MTHFD2L: variants seen among roughly 807,000 people sequenced by gnomAD.
MTHFD2L encodes the protein bifunctional methylenetetrahydrofolate dehydrogenase/cyclohydrolase 2, mitochondrial.
In MTHFD2L, 29 loss-of-function variants were observed where a neutral mutation model predicts 34.9. That is an observed-to-expected ratio of 0.83 (90% confidence interval 0.62 to 1.13). MTHFD2L has a LOEUF of 1.13. Among genes scored for constraint, MTHFD2L ranks in the 50% most tolerant of loss-of-function variants. MTHFD2L has a pLI of 0.00. For synonymous variants in MTHFD2L, 167 were observed against 155.7 expected (o/e 1.07, Z -0.54); for missense variants, 481 against 446.5 (o/e 1.08, Z -0.70).
chr4:74,177,684 G>A (rs1194199233), intron 3 of MTHFD2L, among the ~76,000 whole-genome samples: 1 of 151,856 alleles, frequency 6.6e-6, no homozygotes. Flanking sequence ...TTAGAAAACA[G>A]CATGACAGTT....
intron 6 of MTHFD2L, among the ~76,000 whole-genome samples, chr4:74,249,912 C>T (rs916888852): frequency 1.3e-5 from 2 of 152,144 alleles, no homozygotes; most frequent in African/African-American, 4.8e-5. Context: ...CTGCCCTTAA[C>T]ATTTTTCCTT....
intron 6 of MTHFD2L, among the ~76,000 whole-genome samples, chr4:74,254,146 A>G (rs890814884): frequency 6.6e-6 from 1 of 152,154 alleles, no homozygotes; most frequent in African/African-American, 2.4e-5. Context: ...ATATTAACAG[A>G]CAACTTCTAA....
intron 1 of MTHFD2L, among the ~76,000 whole-genome samples, chr4:74,171,870 A>G (rs1728077994): frequency 6.6e-6 from 1 of 152,206 alleles, no homozygotes; most frequent in African/African-American, 2.4e-5. Context: ...AATGTTTGTA[A>G]CAGCTGTATT....
In MTHFD2L at chr4:74,158,181, CT is replaced by C; in HGVS notation, c.45del (p.Gly16AlafsTer14). The stretch of plus-strand genomic sequence containing the variant: ...CGGCTTCTCGCTGCTCCGCGGCCGC[CT>C]TGGCCGAGCGCCGGCGTTGGGCAGA... ...VRGFSLLRGRLGRAPALGRST... is the reference protein window; with the variant it reads ...VRGFSLLRGRXGRAPALGRST... On this transcript the variant is annotated frameshift_variant, in exon 1 of 8. Coordinates refer to ENST00000325278, the MANE Select transcript of MTHFD2L (RefSeq NM_001144978.3). LOFTEE classifies it high-confidence loss of function. The C allele has an allele frequency of 1.3e-6, 2 of 1,526,870 alleles. No homozygotes were observed. Among genetic ancestry groups the C allele is most frequent in the Non-Finnish European group, 1.8e-6 (2 of 1,138,018 alleles). 94.6% of individuals were successfully genotyped at this position (1,526,870 alleles called of 1,614,324 possible). A position where few individuals can be genotyped will look rare whatever the true frequency, so the allele number is the denominator to read the frequency against.
At chr4:74,160,107 C>T (rs1239654334) in intron 1 of MTHFD2L, 2 of 1,287,902 alleles carry the variant, frequency 1.6e-6, no homozygotes, top group East Asian at 5.6e-5. Context: ...TGTCTGCCTC[C>T]CCACTTGTCC....
At chr4:74,258,485 A>G (rs974998372) in intron 6 of MTHFD2L, among the ~76,000 whole-genome samples, 3 of 152,084 alleles carry the variant, frequency 2.0e-5, no homozygotes, top group Non-Finnish European at 4.4e-5. Flanking sequence ...TTTTTAACCA[A>G]ATGAAGATTG....
At chr4:74,148,908 T>C (rs922054200) in intron 1 of MTHFD2L, among the ~76,000 whole-genome samples, 9 of 151,858 alleles carry the variant, frequency 5.9e-5, no homozygotes, top group African/African-American at 1.9e-4. Flanking sequence ...AAAGGCTATA[T>C]TTCTTAGGCC....
rs554364620 is a variant in MTHFD2L at position 74,239,831 on chromosome 4, ATG to A, written c.805+14441_805+14442del. ...GTAATGTTTTTGTTGAGTTTCTATT[ATG>A]TGTTTCATAATTCCTGCTTAATATT... On this transcript the variant is annotated intron_variant, in intron 6 of 7. Coordinates refer to ENST00000325278, the MANE Select transcript of MTHFD2L (RefSeq NM_001144978.3). 9.2e-5 allele frequency among the ~76,000 whole-genome samples: 14 copies of A among 152,320 alleles called. No homozygotes were observed. The South Asian group carries it at 2.5e-3, about 27-fold the overall frequency.
intron 1 of MTHFD2L, among the ~76,000 whole-genome samples, chr4:74,146,196 C>G (rs928648151): frequency 2.6e-5 from 4 of 152,076 alleles, no homozygotes; most frequent in Admixed American, 6.6e-5. Context: ...AAAAGATTGA[C>G]AAATCAAAAT....
At chr4:74,268,361 G>C in intron 6 of MTHFD2L, 1 of 598,040 alleles carries the variant, frequency 1.7e-6, no homozygotes, top group Non-Finnish European at 2.1e-6. Context: ...AGCTGAAGAA[G>C]TGATCCACCT....
At chr4:74,289,285 A>G (rs939414484) in intron 7 of MTHFD2L, among the ~76,000 whole-genome samples, 15 of 152,186 alleles carry the variant, frequency 9.9e-5, no homozygotes, top group African/African-American at 3.6e-4. Flanking sequence ...AACCTGAATA[A>G]ATGAAGAAGG....
intron 1 of MTHFD2L, chr4:74,165,039 T>G: frequency 1.0e-6 from 1 of 982,248 alleles, no homozygotes; most frequent in Non-Finnish European, 1.2e-6. Flanking sequence ...GCAAGGTCAC[T>G]ATGTAATTTT....
chr4:74,168,091 TAG>T (rs1349706703), intron 1 of MTHFD2L, among the ~76,000 whole-genome samples: 3 of 152,194 alleles, frequency 2.0e-5, no homozygotes, highest in African/African-American at 4.8e-5. Context: ...CTTGATCTCA[TAG>T]AGTCTATCCT....
chr4:74,250,491 C>T (rs1743152148), intron 6 of MTHFD2L, among the ~76,000 whole-genome samples: 2 of 152,116 alleles, frequency 1.3e-5, no homozygotes, highest in Non-Finnish European at 2.9e-5. Context: ...CTGCCTTGTT[C>T]ATGGTTTTAT....
chr4:74,180,120 C>G (rs989451648), intron 3 of MTHFD2L, among the ~76,000 whole-genome samples: 2 of 152,162 alleles, frequency 1.3e-5, no homozygotes, highest in African/African-American at 2.4e-5. Context: ...CAAAGACAGG[C>G]TGGGAAATAC....
At position 74,175,330 on chromosome 4, in the gene MTHFD2L, AC is replaced by A; in HGVS notation, c.379del (p.Leu127PhefsTer4). 6.2e-7 allele frequency: 1 copy of A among 1,613,342 alleles called. No homozygotes were observed. The highest frequency in any genetic ancestry group is 8.5e-7 in the Non-Finnish European group (1 of 1,179,460). On this transcript the variant is annotated frameshift_variant, in exon 3 of 8. Transcript: ENST00000325278. LOFTEE classifies it high-confidence loss of function. ...AACCTAAGGATGTTTCTCAGGAAGA[AC>A]TTTTGGACGTAACTGATCAATTGAA... ...LKPKDVSQEE[L>X]LDVTDQLNMD...
At chr4:74,242,004 A>G (rs1234915328) in intron 6 of MTHFD2L, 1 of 153,040 alleles carries the variant, frequency 6.5e-6, no homozygotes, top group African/African-American at 2.4e-5. Flanking sequence ...TAATAAGGCA[A>G]CATGAGGGAC....
In MTHFD2L at chr4:74,225,331, T is replaced by TA. The variant is rs1225144065; in HGVS notation, c.743dup (p.Tyr248Ter). 1 of 1,613,134 alleles carries TA rather than the reference T, an allele frequency of 6.2e-7. No individual in the cohort carries two copies. Among genetic ancestry groups the TA allele is most frequent in the South Asian group, 1.1e-5 (1 of 91,022 alleles). ...TGCAACTGTGACAATAGCTCACAGA[T>TA]ACACCCCCAAAGAGCAACTGAAGAT... Reference protein sequence around the residue: ...GDATVTIAHRYTPKEQLKIHT... With the variant: ...GDATVTIAHR Residue 248 changes from tyrosine (Y) to a stop codon, truncating the protein, a stop_gained and frameshift_variant, in exon 6 of 8, where the codon TAC (tyrosine) becomes TAAC (stop). Transcript: ENST00000325278. LOFTEE classifies it high-confidence loss of function.
At chr4:74,180,772 G>A (rs1229041992) in intron 3 of MTHFD2L, 2 of 423,466 alleles carry the variant, frequency 4.7e-6, no homozygotes, top group South Asian at 3.2e-5. Flanking sequence ...TGACCCTAAA[G>A]CTAAGGAGAA....
Sources: gnomAD v4.1 joint callset for allele counts (sites outside exome capture counted in the v4.1 genomes callset) on GRCh38, gnomAD v4.1.1 for gene constraint, MANE v1.5 for transcripts, NCBI Gene and HGNC (gene_info 2026-07-23, HGNC 2026-07-21) for gene names.